The following ESPNL variants were observed in gnomAD, a reference collection of about 807,000 sequenced individuals.
ESPNL encodes espin like.
ESPNL carries 49 observed loss-of-function variants against 46.8 expected under a neutral mutation model. That is an observed-to-expected ratio of 1.05 (90% CI 0.83 to 1.33). The LOEUF is 1.33. Among genes scored for constraint, ESPNL ranks in the 40% most tolerant of loss-of-function variants. The probability of loss-of-function intolerance (pLI) is 0.00; values close to 1 mark genes in which losing one functional copy is unlikely to be tolerated. For missense variants in ESPNL, 1,540 were observed against 1,436.6 expected (o/e 1.07, Z -1.16); for synonymous variants, 664 against 662.1 (o/e 1.00, Z -0.04).
chr2:238,128,482 A>G (rs1237009134), intron 7 of ESPNL, among the ~76,000 whole-genome samples: 1 of 152,036 alleles, frequency 6.6e-6, no homozygotes, highest in Non-Finnish European at 1.5e-5. Context: ...CAATCCCCTC[A>G]CACACATCTT....
At chr2:238,129,348 G>A (rs1000999298) in intron 8 of ESPNL, 109 of 739,328 alleles carry the variant, frequency 1.5e-4, no homozygotes, top group Non-Finnish European at 1.8e-4. Flanking sequence ...CTTGAGCAGG[G>A]GCCAGAGGGA....
At chr2:238,124,094 C>T (rs1295254594) in intron 5 of ESPNL, among the ~76,000 whole-genome samples, 5 of 152,228 alleles carry the variant, frequency 3.3e-5, no homozygotes, top group African/African-American at 7.2e-5. Context: ...CAGAGACAGC[C>T]GTGCATTCGA....
Position 238,130,452 on chromosome 2 carries a change from T to C in ESPNL, c.1738T>C (p.Ser580Pro). The part of the protein sequence containing the change: ...AAEPAGSAEA[S>P]EVAPGVQPLP... ...TGAGCCCGCAGGGTCTGCGGAGGCC[T>C]CAGAGGTGGCCCCCGGGGTGCAGCC... The change falls in exon 9 of 9, where the codon TCA becomes CCA. Residue 580 changes from serine to proline, a missense_variant. Transcript: ENST00000343063. 1 of 1,603,666 alleles carries C rather than the reference T, an allele frequency of 6.2e-7. No homozygotes were observed.
At chr2:238,116,692 C>G (rs1691821181) in intron 4 of ESPNL, among the ~76,000 whole-genome samples, 1 of 152,232 alleles carries the variant, frequency 6.6e-6, no homozygotes, top group South Asian at 2.1e-4. Context: ...CTGGTACTGT[C>G]TGGGCCAGGA....
At chr2:238,110,027 C>T (rs1012487282) in intron 4 of ESPNL, among the ~76,000 whole-genome samples, 1 of 150,464 alleles carries the variant, frequency 6.6e-6, no homozygotes, top group African/African-American at 2.5e-5. Flanking sequence ...CACACGTTAC[C>T]GAGTGTCCCT....
Position 238,130,723 on chromosome 2 carries a change from A to G in ESPNL, c.2009A>G (p.Asn670Ser), listed in dbSNP as rs1305390698. 2.6e-6 allele frequency: 4 copies of G among 1,566,050 alleles called. No individual in the cohort carries two copies. Among genetic ancestry groups the G allele is most frequent in the South Asian group, 1.2e-5 (1 of 86,360 alleles). The stretch of plus-strand genomic sequence containing the variant: ...GCCTCTGGCCCACTCTGTGGCTTCA[A>G]CCCTGGCCCCTGCGAGCCGGGGGCC... ...ESASGPLCGFNPGPCEPGAQH... is the reference protein window; with the variant it reads ...ESASGPLCGFSPGPCEPGAQH... Residue 670 changes from asparagine to serine, a missense_variant, in exon 9 of 9, where the codon AAC (asparagine) becomes AGC (serine). Coordinates refer to ENST00000343063, the MANE Select transcript of ESPNL (RefSeq NM_194312.4).
At chr2:238,117,608 C>T (rs72987185) in intron 5 of ESPNL, among the ~76,000 whole-genome samples, 46,321 of 152,262 alleles carry the variant, frequency 0.3, 8,972 homozygotes, top group Non-Finnish European at 0.42. Context: ...CCCTGGCTCT[C>T]GTCTCTCAGC....
rs1344882019 is a variant in ESPNL at position 238,129,661 on chromosome 2, TC to T, written c.1414-466del. 5.3e-5 allele frequency among the ~76,000 whole-genome samples: 8 copies of T among 152,374 alleles called. No homozygotes were observed. The East Asian group carries it at 1.5e-3, about 29-fold the overall frequency. On this transcript the variant is annotated intron_variant, in intron 8 of 8. Coordinates refer to ENST00000343063, the MANE Select transcript of ESPNL (RefSeq NM_194312.4). The stretch of plus-strand genomic sequence containing the variant: ...ATGTCCTCAGAGTCCTATGATTTTG[TC>T]AAGATGATTGAGTTCTGTGCCCCCG...
intron 6 of ESPNL, chr2:238,127,415 G>T: frequency 2.3e-6 from 3 of 1,325,858 alleles, no homozygotes; most frequent in Non-Finnish European, 2.9e-6. Flanking sequence ...CTCTCCCATC[G>T]ACCAGGCGGG....
chr2:238,117,081 C>T, intron 5 of ESPNL, 47 bp downstream of exon 5: 3 of 1,565,532 alleles, frequency 1.9e-6, no homozygotes, highest in Non-Finnish European at 2.6e-6. Context: ...GGGGGTGGGC[C>T]CAGACCCCAG....
At chr2:238,113,078 G>C (rs1258704236) in intron 4 of ESPNL, among the ~76,000 whole-genome samples, 1 of 152,102 alleles carries the variant, frequency 6.6e-6, no homozygotes, top group Non-Finnish European at 1.5e-5. Context: ...TATTATTCTG[G>C]ATTTGTCTGT....
chr2:238,124,888 CAT>C (rs1300293290), intron 5 of ESPNL, among the ~76,000 whole-genome samples: 4 of 152,162 alleles, frequency 2.6e-5, no homozygotes, highest in African/African-American at 7.2e-5. Flanking sequence ...TATGTGTGCA[CAT>C]GTCTTTGTGA....
chr2:238,111,606 C>T (rs1050102329), intron 4 of ESPNL, among the ~76,000 whole-genome samples: 3 of 152,174 alleles, frequency 2.0e-5, no homozygotes, highest in African/African-American at 4.8e-5. Flanking sequence ...CCTGTTGTAA[C>T]GCATCAGAAT....
chr2:238,104,459 C>T (rs138422603), intron 2 of ESPNL, among the ~76,000 whole-genome samples, 197 bp from the exon 3 acceptor site: 3 of 152,348 alleles, frequency 2.0e-5, no homozygotes, highest in African/African-American at 7.2e-5. Flanking sequence ...CAGAAAAGGA[C>T]AGGATAGGAG....
chr2:238,120,035 C>T (rs901469217), intron 5 of ESPNL, among the ~76,000 whole-genome samples: 8 of 152,158 alleles, frequency 5.3e-5, no homozygotes, highest in Admixed American at 1.3e-4. Flanking sequence ...TTCCCTGGTG[C>T]AGCAGTTTCA....
chr2:238,100,635 C>T lies in ESPNL; in HGVS notation c.216C>T (p.Thr72=). 1 of 1,464,776 alleles carries T rather than the reference C, an allele frequency of 6.8e-7. No homozygotes were observed. The highest frequency in any genetic ancestry group is 9.0e-7 in the Non-Finnish European group (1 of 1,114,094). 90.7% of individuals were successfully genotyped at this position (1,464,776 alleles called of 1,614,324 possible). A position where few individuals can be genotyped will look rare whatever the true frequency, so the allele number is the denominator to read the frequency against. The part of the protein sequence containing the change: ...PGNQRAHNGA[T]PAHDAAATGS... ...ACCAGCGGGCCCACAACGGGGCCACCCCAGCGCATGACGCCGCTGCCACGG... is the reference window on the plus strand; with the variant it reads ...ACCAGCGGGCCCACAACGGGGCCACTCCAGCGCATGACGCCGCTGCCACGG... The change falls in exon 1 of 9, where the codon ACC becomes ACT. Residue 72 remains threonine, a synonymous_variant. Transcript: ENST00000343063.
rs1225768343 is a variant in ESPNL at position 238,130,938 on chromosome 2, A to G, written c.2224A>G (p.Ile742Val). The change falls in exon 9 of 9, where the codon ATC becomes GTC. Residue 742 changes from isoleucine (I) to valine (V), a missense_variant. Ile to Val is a conservative substitution (Grantham distance 29). Transcript: ENST00000343063. ...DLASLRKERI[I>V]MLFLSHWRRS... ...GGCCAGCCTGCGCAAGGAGCGCATC[A>G]TCATGCTCTTCCTCAGCCACTGGAG... is the stretch of plus-strand genomic sequence containing the variant. 1.9e-6 allele frequency: 3 copies of G among 1,549,968 alleles called. No homozygotes were observed. The highest frequency in any genetic ancestry group is 3.9e-5 in the Admixed American group (2 of 51,228).
intron 5 of ESPNL, among the ~76,000 whole-genome samples, chr2:238,122,782 G>A (rs936228030): frequency 6.6e-6 from 1 of 152,182 alleles, no homozygotes; most frequent in African/African-American, 2.4e-5. Flanking sequence ...GGCTGGGCAG[G>A]GGACAGTGCG....
intron 5 of ESPNL, among the ~76,000 whole-genome samples, chr2:238,119,341 G>T (rs1344544491): frequency 1.3e-5 from 2 of 150,084 alleles, no homozygotes; most frequent in Non-Finnish European, 3.0e-5. Context: ...GGATGGAGGA[G>T]GGTGAATGGA....
Sources: allele counts gnomAD v4.1 joint callset (sites outside exome capture counted in the v4.1 genomes callset), GRCh38; gene constraint gnomAD v4.1.1; transcripts MANE v1.5; gene names NCBI Gene and HGNC (gene_info 2026-07-23, HGNC 2026-07-21).